The following ARHGAP5 variants were observed in gnomAD, a reference collection of about 807,000 sequenced individuals.
ARHGAP5 encodes rho GTPase-activating protein 5.
A neutral mutation model predicts 116.6 loss-of-function variants in ARHGAP5; 23 were observed. The observed-to-expected ratio is 0.20, with a 90% confidence interval of 0.14 to 0.28. The LOEUF is 0.28. Among genes scored for constraint, ARHGAP5 ranks in the 10% least tolerant of loss-of-function variants. The pLI, the probability that ARHGAP5 is intolerant of heterozygous loss-of-function variation, is 1.00. For missense variants in ARHGAP5, 1,405 were observed against 1,774.8 expected (o/e 0.79, Z 3.74); for synonymous variants, 574 against 602.0 (o/e 0.95, Z 0.68).
At chr14:32,142,846 C>T (rs1256321225) in intron 3 of ARHGAP5, among the ~76,000 whole-genome samples, 1 of 152,018 alleles carries the variant, frequency 6.6e-6, no homozygotes, top group Admixed American at 6.6e-5. Context: ...TGATTCTGAC[C>T]CTTCTGGCAG....
intron 6 of ARHGAP5, among the ~76,000 whole-genome samples, chr14:32,153,478 T>G (rs1402538864): frequency 1.4e-5 from 2 of 144,442 alleles, no homozygotes; most frequent in East Asian, 4.0e-4. Flanking sequence ...CAGCCAGGTT[T>G]TTTTTTTTTT....
At chr14:32,086,657 G>A (rs1209312228) in intron 1 of ARHGAP5, among the ~76,000 whole-genome samples, 1 of 151,842 alleles carries the variant, frequency 6.6e-6, no homozygotes. Context: ...ACATGTTTTA[G>A]TTCTGATTTA....
At chr14:32,087,651 C>G (rs1487410843) in intron 1 of ARHGAP5, among the ~76,000 whole-genome samples, 1 of 151,912 alleles carries the variant, frequency 6.6e-6, no homozygotes, top group Non-Finnish European at 1.5e-5. Context: ...TATATGGTGA[C>G]TCATGACATA....
intron 1 of ARHGAP5, chr14:32,078,368 A>G (rs1439636735): frequency 6.6e-6 from 1 of 152,244 alleles, no homozygotes; most frequent in Non-Finnish European, 1.5e-5. Context: ...TTATACTTCT[A>G]CCATGTGATA....
chr14:32,146,405 G>A, intron 4 of ARHGAP5, 65 bp downstream of exon 4: 2 of 1,187,002 alleles, frequency 1.7e-6, no homozygotes, highest in South Asian at 2.6e-5. Context: ...AATTCATGGT[G>A]AGAAGATTGA....
intron 1 of ARHGAP5, among the ~76,000 whole-genome samples, chr14:32,082,458 A>G (rs1269489359): frequency 6.6e-6 from 1 of 152,232 alleles, no homozygotes; most frequent in Non-Finnish European, 1.5e-5. Flanking sequence ...ATTAAGAAAC[A>G]CTGGCTTAAT....
intron 3 of ARHGAP5, among the ~76,000 whole-genome samples, chr14:32,127,590 T>C (rs1488916753): frequency 6.6e-6 from 1 of 152,230 alleles, no homozygotes; most frequent in Non-Finnish European, 1.5e-5. Context: ...GCAGACACAG[T>C]AACAATCTGA....
intron 1 of ARHGAP5, among the ~76,000 whole-genome samples, chr14:32,082,698 C>G (rs2041789580): frequency 6.6e-6 from 1 of 152,142 alleles, no homozygotes; most frequent in Admixed American, 6.5e-5. Context: ...CGCCATCACG[C>G]CTGGCTAATT....
intron 2 of ARHGAP5, among the ~76,000 whole-genome samples, chr14:32,115,493 C>G (rs1434715813): frequency 1.3e-5 from 2 of 151,638 alleles, no homozygotes; most frequent in African/African-American, 4.8e-5. Context: ...GAAACCGCGT[C>G]TCTACTAAAA....
At chr14:32,133,612 A>C (rs1880623148) in intron 3 of ARHGAP5, among the ~76,000 whole-genome samples, 1 of 151,944 alleles carries the variant, frequency 6.6e-6, no homozygotes, top group African/African-American at 2.4e-5. Flanking sequence ...AGAACTTCCA[A>C]CTCCGTGTTG....
intron 3 of ARHGAP5, among the ~76,000 whole-genome samples, chr14:32,137,880 G>T (rs554134921): frequency 3.3e-5 from 5 of 151,582 alleles, no homozygotes; most frequent in African/African-American, 1.2e-4. Context: ...GCTGAGGCAG[G>T]AGAGTCCCTT....
chr14:32,104,633 TG>T (rs1264170423), intron 2 of ARHGAP5, among the ~76,000 whole-genome samples: 1 of 152,218 alleles, frequency 6.6e-6, no homozygotes, highest in African/African-American at 2.4e-5. Context: ...AATGTAATGC[TG>T]CTTCTCACTG....
rs540254849 is a variant in ARHGAP5 at position 32,156,287 on chromosome 14, T to A, written c.*1339T>A. On this transcript the variant is annotated 3_prime_UTR_variant, in exon 7 of 7. Coordinates refer to ENST00000345122, the MANE Select transcript of ARHGAP5 (RefSeq NM_001030055.2). ...ATATTTTGTGTAGTAAAGAAAAAAA[T>A]TATTTGGTCAATGTTATCTTAATTC... is the stretch of plus-strand genomic sequence containing the variant. 628 of 152,478 alleles carry A rather than the reference T, an allele frequency of 4.1e-3. 6 individuals carry two copies. The highest frequency in any genetic ancestry group is 0.014 in the African/African-American group (600 of 41,540). The allele number at this position is 152,478 out of a possible 1,614,324, so 9.4% of individuals were successfully genotyped here.
intron 3 of ARHGAP5, among the ~76,000 whole-genome samples, chr14:32,144,957 A>G (rs1881308385): frequency 1.3e-5 from 2 of 152,220 alleles, no homozygotes; most frequent in Non-Finnish European, 2.9e-5. Flanking sequence ...GTCATTTATC[A>G]TTCAAGTTGA....
At chr14:32,107,769 G>T (rs1323331176) in intron 2 of ARHGAP5, among the ~76,000 whole-genome samples, 1 of 152,174 alleles carries the variant, frequency 6.6e-6, no homozygotes, top group Non-Finnish European at 1.5e-5. Context: ...TATCTGTGTT[G>T]ACAAATGAGT....
intron 2 of ARHGAP5, among the ~76,000 whole-genome samples, chr14:32,104,428 G>GT (rs1043809351): frequency 6.6e-6 from 1 of 152,146 alleles, no homozygotes; most frequent in Non-Finnish European, 1.5e-5. Flanking sequence ...TTACTCTGTT[G>GT]TTTTTTATTT....
At chr14:32,107,280 G>A (rs961685835) in intron 2 of ARHGAP5, among the ~76,000 whole-genome samples, 10 of 152,114 alleles carry the variant, frequency 6.6e-5, no homozygotes, top group African/African-American at 2.2e-4. Flanking sequence ...GATGATGTGA[G>A]TAATCATTAT....
intron 3 of ARHGAP5, among the ~76,000 whole-genome samples, chr14:32,140,115 C>CTTTTTTTTT (rs376976211): frequency 5.5e-4 from 14 of 25,406 alleles, no homozygotes; most frequent in South Asian, 1.5e-3. Context: ...TTTTTTTTTC[C>CTTTTTTTTT]TTTTTTTTTT....
intron 1 of ARHGAP5, among the ~76,000 whole-genome samples, chr14:32,088,401 T>G (rs1334409412): frequency 6.6e-6 from 1 of 152,016 alleles, no homozygotes; most frequent in Non-Finnish European, 1.5e-5. Flanking sequence ...TGTATTCTCT[T>G]GTGTTTTCAA....
Sources: allele counts gnomAD v4.1 joint callset (sites outside exome capture counted in the v4.1 genomes callset), GRCh38; gene constraint gnomAD v4.1.1; transcripts MANE v1.5; gene names NCBI Gene and HGNC (gene_info 2026-07-23, HGNC 2026-07-21).